Variants in ABCB5 observed in about 807,000 individuals in gnomAD.
ABCB5 encodes the protein ATP binding cassette subfamily B member 5.
Under a neutral mutation model 144.2 loss-of-function variants are expected in ABCB5, and 155 were observed. That is an observed-to-expected ratio of 1.08 (90% CI 0.94 to 1.23). The LOEUF (loss-of-function observed/expected upper bound fraction) is 1.23, where lower values mean the gene tolerates loss of function less well. ABCB5 is among the 50% of genes most tolerant of loss of function. The pLI is 0.00. For missense variants in ABCB5, 1,830 were observed against 1,520.8 expected, an observed-to-expected ratio of 1.20 and a Z score of -3.38; for synonymous variants, 610 against 528.6, an observed-to-expected ratio of 1.15 and a Z score of -2.11.
At chr7:20,719,503 C>T (rs554881440) in intron 20 of ABCB5, among the ~76,000 whole-genome samples, 133 of 152,286 alleles carry the variant, frequency 8.7e-4, no homozygotes, top group African/African-American at 3.1e-3. Flanking sequence ...CCAAAGTATA[C>T]ACTTTAATGA....
rs1314178906 is a variant in ABCB5, at chr7:20,742,832, C to G, written c.3025-45C>G. ...GCCAGTATGCTACAGTGTGTTACAA[C>G]CTTCCCAAGTCATTCTTCTCAACTC... is the stretch of plus-strand genomic sequence containing the variant. On this transcript the variant is annotated intron_variant, in intron 24 of 27. Transcript: ENST00000404938. 3.8e-6 allele frequency: 6 copies of G among 1,593,260 alleles called. No homozygotes were observed. The East Asian group carries it at 1.3e-4, about 36-fold the overall frequency.
intron 14 of ABCB5, chr7:20,667,390 C>G (rs1785235293): frequency 1.0e-6 from 1 of 985,404 alleles, no homozygotes; most frequent in Non-Finnish European, 1.2e-6. Context: ...TATCAGGAAA[C>G]CCTGTGATTC....
intron 18 of ABCB5, 21 bp from the exon 19 acceptor site, chr7:20,700,037 T>TTTTG: frequency 6.2e-7 from 1 of 1,610,938 alleles, no homozygotes; most frequent in Non-Finnish European, 8.5e-7. Context: ...GAACGTAGAT[T>TTTTG]TTTGTTTGTT....
chr7:20,744,036 G>GT (rs997717379), intron 25 of ABCB5, among the ~76,000 whole-genome samples: 3 of 151,964 alleles, frequency 2.0e-5, no homozygotes, highest in African/African-American at 4.8e-5. Flanking sequence ...TGCTTTTTCT[G>GT]TTTTTTGGGG....
At chr7:20,702,298 C>G (rs80255924) in intron 19 of ABCB5, among the ~76,000 whole-genome samples, 1 of 152,048 alleles carries the variant, frequency 6.6e-6, no homozygotes, top group Non-Finnish European at 1.5e-5. Context: ...CCCCATTTCC[C>G]TCTAAATTAG....
chr7:20,670,841 G>A (rs10266328), intron 14 of ABCB5, among the ~76,000 whole-genome samples: 93,680 of 151,978 alleles, frequency 0.62, 29,710 homozygotes, highest in East Asian at 0.74. Flanking sequence ...CCTGGGAGGC[G>A]GAGGTTGCAG....
intron 19 of ABCB5, 107 bp downstream of exon 19, chr7:20,700,242 GCA>G: frequency 9.9e-7 from 1 of 1,010,158 alleles, no homozygotes. Flanking sequence ...TTCTTTGAAA[GCA>G]CACTCTTTTT....
At chr7:20,674,305 T>C (rs531638048) in intron 14 of ABCB5, among the ~76,000 whole-genome samples, 53 of 152,090 alleles carry the variant, frequency 3.5e-4, no homozygotes, top group Non-Finnish European at 6.9e-4. Context: ...ACAGTCCCAC[T>C]ACTGATGAAT....
At chr7:20,656,796 A>T (rs986739722) in intron 13 of ABCB5, among the ~76,000 whole-genome samples, 5 of 152,188 alleles carry the variant, frequency 3.3e-5, no homozygotes, top group Non-Finnish European at 5.9e-5. Context: ...AATATCTTGT[A>T]CATGAATATT....
intron 14 of ABCB5, among the ~76,000 whole-genome samples, chr7:20,680,942 T>G (rs1297136881): frequency 2.6e-5 from 4 of 151,942 alleles, no homozygotes; most frequent in Non-Finnish European, 4.4e-5. Flanking sequence ...CAACAAAGAT[T>G]TCTTCTTTCC....
intron 23 of ABCB5, 83 bp from the exon 24 acceptor site, chr7:20,738,900 C>T: frequency 7.1e-7 from 1 of 1,405,188 alleles, no homozygotes; most frequent in Non-Finnish European, 9.4e-7. Flanking sequence ...ATTCCTGTGC[C>T]TGCTTTTTTC....
intron 16 of ABCB5, among the ~76,000 whole-genome samples, chr7:20,692,009 T>A (rs1316937183): frequency 6.6e-6 from 1 of 152,146 alleles, no homozygotes; most frequent in Non-Finnish European, 1.5e-5. Context: ...AGTAGAGACA[T>A]TAAGCATTTA....
At chr7:20,658,376 G>T (rs1168947967) in intron 13 of ABCB5, 130 bp from the exon 14 acceptor site, 11 of 627,130 alleles carry the variant, frequency 1.8e-5, no homozygotes, top group Non-Finnish European at 2.4e-5. Flanking sequence ...CAAATCAAAA[G>T]ACATAAGCAC....
chr7:20,636,223 G>C (rs1036516391), intron 5 of ABCB5, among the ~76,000 whole-genome samples: 1 of 152,050 alleles, frequency 6.6e-6, no homozygotes, highest in Non-Finnish European at 1.5e-5. Context: ...ATCTAGGGTA[G>C]TGTTTCATAC....
At chr7:20,628,980 A>G (rs1783971344) in intron 4 of ABCB5, 142 bp downstream of exon 4, 1 of 940,460 alleles carries the variant, frequency 1.1e-6, no homozygotes, top group Non-Finnish European at 1.5e-6. Context: ...ATTCTGCCAT[A>G]TTGCTGGGCA....
At chr7:20,743,162 G>C (rs1201590218) in intron 25 of ABCB5, 88 bp downstream of exon 25, 14 of 1,400,452 alleles carry the variant, frequency 1.0e-5, no homozygotes, top group Non-Finnish European at 1.4e-5. Flanking sequence ...CCACTGGTTT[G>C]GGTGGGGCAA....
At chr7:20,668,523 C>T (rs1448235853) in intron 14 of ABCB5, among the ~76,000 whole-genome samples, 281 of 150,746 alleles carry the variant, frequency 1.9e-3, no homozygotes, top group African/African-American at 6.7e-3. Context: ...CCCCTCCGTC[C>T]GGCAGCCACC....
At position 20,712,492 on chromosome 7, in the gene ABCB5, A is replaced by G. The variant is rs1035227223; in HGVS notation, c.2421+7685A>G. ...TCTTTCTAGTCTCACCTCTCCTTCA[A>G]GGACTCTAATTCTACATATATTAGG... On this transcript the variant is annotated intron_variant, in intron 20 of 27. Transcript: ENST00000404938. Among the ~76,000 whole-genome samples the G allele has an allele frequency of 1.0e-4, 15 of 149,396 alleles. 1 individual carries two copies. Among genetic ancestry groups the G allele is most frequent in the African/African-American group, 3.5e-4 (14 of 40,384 alleles).
intron 14 of ABCB5, chr7:20,660,027 A>G (rs2128030494): frequency 1.0e-6 from 1 of 985,496 alleles, no homozygotes; most frequent in Non-Finnish European, 1.2e-6. Context: ...AGGCTCTCTG[A>G]TTGTTTAGAA....
Sources: gnomAD v4.1 joint callset for allele counts (sites outside exome capture counted in the v4.1 genomes callset) on GRCh38, gnomAD v4.1.1 for gene constraint, MANE v1.5 for transcripts, NCBI Gene and HGNC (gene_info 2026-07-23, HGNC 2026-07-21) for gene names.